Variants in MAST2 observed in about 807,000 individuals in gnomAD.
The protein encoded by MAST2 is microtubule-associated serine/threonine-protein kinase 2.
MAST2 carries 70 observed loss-of-function variants against 147.4 expected under a neutral mutation model. The observed-to-expected ratio is 0.47, with a 90% CI of 0.39 to 0.58. MAST2 has a LOEUF of 0.58. Ranked by LOEUF, MAST2 falls within the 20% of genes least tolerant of loss-of-function variation. The pLI is 0.00. For missense variants in MAST2, 2,080 were observed against 2,302.3 expected (o/e 0.90, Z 1.98); for synonymous variants, 869 against 896.8 (o/e 0.97, Z 0.55).
At chr1:45,900,173 C>CAAAAAAAAAA (rs59051138) in intron 4 of MAST2, among the ~76,000 whole-genome samples, 1,732 of 53,984 alleles carry the variant, frequency 0.032, 171 homozygotes, top group Middle Eastern at 0.038. Context: ...CTCTCTCTCT[C>CAAAAAAAAAA]AAAAAAAAAA....
chr1:45,890,857 A>G (rs1647652060), intron 4 of MAST2, among the ~76,000 whole-genome samples: 1 of 152,268 alleles, frequency 6.6e-6, no homozygotes, highest in African/African-American at 2.4e-5. Flanking sequence ...ACGTTTAATC[A>G]TTTAAAATAG....
At position 46,035,789 on chromosome 1, in the gene MAST2, C is replaced by CACCTAGTG; in HGVS notation, c.5121_5128dup (p.Ala1710AspfsTer29). The CACCTAGTG allele has an allele frequency of 6.2e-7, 1 of 1,614,114 alleles. No individual in the cohort carries two copies. The highest frequency in any genetic ancestry group is 8.5e-7 in the Non-Finnish European group (1 of 1,180,030). On this transcript the variant is annotated frameshift_variant, in exon 29 of 29. Transcript: ENST00000361297. LOFTEE classifies it low-confidence loss of function (END_TRUNC). This position sits in a 1 kb window ranked among gnomAD's most constrained non-coding sequence, Gnocchi z 5.5. ...CCCAGGGAGCAGGGGAAGACACAGCCACCTAGTGCCCCCAGACTGGCCCAT... is the reference window on the plus strand; with the variant it reads ...CCCAGGGAGCAGGGGAAGACACAGCCACCTAGTGACCTAGTGCCCCCAGACTGGCCCAT...
rs368747334 is a variant in MAST2, at chr1:46,025,714, C to T, written c.1818C>T (p.Ala606=). Reference sequence around the variant, plus strand: ...CCACTCTGCTGAAGAATATTGGGGCCCTGCCTGTGGACATGGTGCGTCTAT... The same window carrying T: ...CCACTCTGCTGAAGAATATTGGGGCTCTGCCTGTGGACATGGTGCGTCTAT... ...DCATLLKNIG[A]LPVDMVRLYF... is the part of the protein sequence containing the mutation. Residue 606 remains alanine (A), a synonymous_variant, in exon 16 of 29, where the codon GCC becomes GCT. Transcript: ENST00000361297. 7.3e-5 allele frequency: 118 copies of T among 1,614,044 alleles called. No individual in the cohort carries two copies. Among genetic ancestry groups the T allele is most frequent in the Non-Finnish European group, 9.4e-5 (111 of 1,180,022 alleles).
intron 4 of MAST2, among the ~76,000 whole-genome samples, chr1:45,931,753 C>G (rs919557158): frequency 3.9e-5 from 6 of 151,930 alleles, no homozygotes; most frequent in Non-Finnish European, 8.8e-5. Context: ...CTCAGCCTCC[C>G]AAAGTGCTGG....
intron 7 of MAST2, among the ~76,000 whole-genome samples, chr1:46,004,361 CAAAA>C (rs60013733): frequency 1.9e-3 from 212 of 113,288 alleles, no homozygotes; most frequent in African/African-American, 3.7e-3. Context: ...AAGACTATCT[CAAAA>C]AAAAAAAAAA....
At chr1:45,804,158 T>C in intron 1 of MAST2, 86 bp downstream of exon 1, 1 of 1,261,722 alleles carries the variant, frequency 7.9e-7, no homozygotes, top group African/African-American at 1.6e-5. Flanking sequence ...GGGCTGGAGC[T>C]TTGGAGGGGT....
rs769963617 is a variant in MAST2 at position 46,032,182 on chromosome 1, C to T, written c.3192C>T (p.His1064=). ...TALSLLIPSE[H]HTCSPLASPM... ...TCCTGGCTTCTCCTTCTCCAGAACA[C>T]CACACCTGCTCCCCGTTGGCCAGCC... is the stretch of plus-strand genomic sequence containing the variant. The change falls in exon 25 of 29, where the codon CAC becomes CAT. Residue 1064 remains histidine, a synonymous_variant. Transcript: ENST00000361297. 1.9e-6 allele frequency: 3 copies of T among 1,613,974 alleles called. No individual in the cohort carries two copies. Among genetic ancestry groups the T allele is most frequent in the East Asian group, 4.5e-5 (2 of 44,876 alleles).
At chr1:45,828,736 A>G (rs945034218) in intron 2 of MAST2, among the ~76,000 whole-genome samples, 2 of 152,358 alleles carry the variant, frequency 1.3e-5, no homozygotes, top group South Asian at 4.1e-4. Context: ...CCGCCTGGCT[A>G]ACATGGCAAA....
intron 5 of MAST2, among the ~76,000 whole-genome samples, chr1:45,986,304 T>A (rs560757817): frequency 1.3e-4 from 20 of 152,368 alleles, no homozygotes; most frequent in African/African-American, 4.6e-4. Flanking sequence ...TTTTCTTGAT[T>A]AGCCTACTAA....
chr1:45,855,912 A>G lies in MAST2; in HGVS notation c.468+26331A>G, dbSNP rs79965230. 3.1e-3 allele frequency among the ~76,000 whole-genome samples: 471 copies of G among 152,248 alleles called. 6 individuals carry two copies. Among genetic ancestry groups the G allele is most frequent in the South Asian group, 0.022 (104 of 4,822 alleles). ...CTGGTAGTGCTGACTTCAGGAGCCTAATTTGGGACTAGCAAATGCTAGTTT... is the reference window on the plus strand; with the variant it reads ...CTGGTAGTGCTGACTTCAGGAGCCTGATTTGGGACTAGCAAATGCTAGTTT... On this transcript the variant is annotated intron_variant, in intron 3 of 28. Transcript: ENST00000361297.
chr1:45,812,666 C>G (rs1644339260), intron 1 of MAST2, among the ~76,000 whole-genome samples: 1 of 152,130 alleles, frequency 6.6e-6, no homozygotes, highest in African/African-American at 2.4e-5. Context: ...CTCAGGTGAT[C>G]CGTCCACCTC....
chr1:45,973,208 C>T (rs754785532), intron 5 of MAST2, among the ~76,000 whole-genome samples: 11 of 151,454 alleles, frequency 7.3e-5, no homozygotes, highest in Admixed American at 2.0e-4. Flanking sequence ...TCGATACACC[C>T]GTAGTTGATA....
intron 3 of MAST2, among the ~76,000 whole-genome samples, chr1:45,848,245 G>A (rs1043974770): frequency 1.3e-5 from 2 of 152,198 alleles, no homozygotes; most frequent in Non-Finnish European, 2.9e-5. Context: ...GCGGAAGGCC[G>A]ACCCTTGGCT....
intron 4 of MAST2, among the ~76,000 whole-genome samples, chr1:45,925,308 G>A (rs1654188473): frequency 1.3e-5 from 2 of 152,212 alleles, no homozygotes; most frequent in Admixed American, 1.3e-4. Flanking sequence ...AACAAACGTT[G>A]ATGCTAGCTC....
At chr1:45,895,611 C>G (rs1403199333) in intron 4 of MAST2, among the ~76,000 whole-genome samples, 1 of 152,150 alleles carries the variant, frequency 6.6e-6, no homozygotes, top group East Asian at 1.9e-4. Flanking sequence ...CAGGTTAATT[C>G]TTTGGACATT....
chr1:45,936,180 A>G (rs920585751), intron 4 of MAST2, among the ~76,000 whole-genome samples: 7 of 152,058 alleles, frequency 4.6e-5, no homozygotes, highest in African/African-American at 1.7e-4. Flanking sequence ...TTCATTCTGG[A>G]TTTGACCCTC....
chr1:45,958,944 C>T lies in MAST2; in HGVS notation c.501-442C>T, dbSNP rs116238184. Among the ~76,000 whole-genome samples, 334 of 152,266 alleles carry T rather than the reference C, an allele frequency of 2.2e-3. 2 individuals are homozygous for T. Among genetic ancestry groups the T allele is most frequent in the African/African-American group, 7.8e-3 (325 of 41,564 alleles). On this transcript the variant is annotated intron_variant, in intron 4 of 28. Transcript: ENST00000361297. ...TGAAATGAGAATATTACTTAATTCA[C>T]GGACTAAACGTTCTAAAAATAATAA...
In MAST2 at chr1:46,035,549, T is replaced by A; in HGVS notation, c.4880T>A (p.Leu1627Gln). The part of the protein sequence containing the change: ...WKAQHLHTQA[L>Q]TALSPSTSGL... ...GCCCAGCACCTCCACACCCAGGCAC[T>A]AACAGCACTTTCTCCCAGCACTTCG... The change falls in exon 29 of 29, where the codon CTA (leucine) becomes CAA (glutamine). Residue 1627 changes from leucine (L) to glutamine (Q), a missense_variant. By Grantham distance (113) the Leu-to-Gln change is moderately radical. This residue lies in a region of MAST2 where 1,278 missense variants were observed against 1,304.2 expected (regional missense o/e 0.98). Transcript: ENST00000361297. This position sits in a 1 kb window ranked among gnomAD's most constrained non-coding sequence, Gnocchi z 5.5. The A allele has an allele frequency of 6.2e-7, 1 of 1,613,458 alleles. No homozygotes were observed. The highest frequency in any genetic ancestry group is 8.5e-7 in the Non-Finnish European group (1 of 1,179,990).
intron 3 of MAST2, among the ~76,000 whole-genome samples, chr1:45,851,637 C>T (rs1645626915): frequency 6.6e-6 from 1 of 151,952 alleles, no homozygotes. Flanking sequence ...GAGATATGTT[C>T]CTTGGATGCC....
Sources: gnomAD v4.1 joint callset for allele counts (sites outside exome capture counted in the v4.1 genomes callset) on GRCh38, gnomAD v4.1.1 for gene constraint, gnomAD v4.1.1 regional missense constraint, Gnocchi (gnomAD v3.1) non-coding constraint, MANE v1.5 for transcripts, NCBI Gene and HGNC (gene_info 2026-07-23, HGNC 2026-07-21) for gene names.